The following HUWE1 variants were observed in gnomAD, a reference collection of about 807,000 sequenced individuals.
HUWE1 encodes the protein HECT, UBA and WWE domain containing E3 ubiquitin protein ligase 1.
HUWE1 carries 18 observed loss-of-function variants against 299.4 expected under a neutral mutation model. The observed-to-expected ratio is 0.06, with a 90% confidence interval of 0.04 to 0.09. The LOEUF is 0.09. Ranked by LOEUF, HUWE1 falls within the 10% of genes least tolerant of loss-of-function variation. HUWE1 has a pLI of 1.00. For synonymous variants in HUWE1, 1,317 were observed against 1,286.1 expected, an observed-to-expected ratio of 1.02 and a Z score of -0.51; for missense variants, 1,832 against 3,462.3, an observed-to-expected ratio of 0.53 and a Z score of 11.82.
intron 4 of HUWE1, among the ~76,000 whole-genome samples, chrX:53,650,288 A>G (rs1377156891): frequency 8.9e-6 from 1 of 112,423 alleles, no homozygotes; most frequent in East Asian, 2.8e-4. Context: ...AGTGTGTGGT[A>G]CAAGGTACAG....
At chrX:53,643,653 C>T (rs782458043) in intron 7 of HUWE1, among the ~76,000 whole-genome samples, 6 of 111,339 alleles carry the variant, frequency 5.4e-5, no homozygotes, top group Admixed American at 1.9e-4. Flanking sequence ...CGCCTGGCCT[C>T]ACCAATCATT....
chrX:53,569,008 T>C, intron 48 of HUWE1, 134 bp from the exon 49 acceptor site: 3 of 526,475 alleles, frequency 5.7e-6, no homozygotes, highest in Non-Finnish European at 9.7e-6. Context: ...AACAAACAGG[T>C]GAGAACACAC....
Position 53,594,548 on chromosome X carries a change from G to C in HUWE1, c.3454C>G (p.Leu1152Val), listed in dbSNP as rs1556982962. Residue 1152 changes from leucine (L) to valine (V), a missense_variant, in exon 31 of 84, where the codon CTC becomes GTC. Physicochemically the swap from Leu to Val is conservative, Grantham distance 32. This residue lies in a region of HUWE1 where 658 missense variants were observed against 1,282.6 expected (regional missense o/e 0.51). Coordinates refer to ENST00000262854, the MANE Select transcript of HUWE1 (RefSeq NM_031407.7). ...GAGCAGAGAAATTTTTGCAGCATGA[G>C]GTGGTAGGGATACTTCCTCTCATCA... ...LFDERKYPYH[L>V]MLQKFLCSGG... 1 of 1,208,338 alleles carries C rather than the reference G, an allele frequency of 8.3e-7. No individual in the cohort carries two copies. The highest frequency in any genetic ancestry group is 1.1e-6 in the Non-Finnish European group (1 of 892,405).
intron 70 of HUWE1, among the ~76,000 whole-genome samples, chrX:53,546,074 G>C (rs147164730): frequency 0.011 from 1,287 of 111,930 alleles, 23 homozygotes; most frequent in African/African-American, 0.04. Flanking sequence ...GCAGTGTAGG[G>C]ACATACTTTG....
intron 59 of HUWE1, 29 bp downstream of exon 59, chrX:53,558,626 G>A: frequency 8.4e-7 from 1 of 1,197,473 alleles, no homozygotes; most frequent in Non-Finnish European, 1.1e-6. Flanking sequence ...CACAGTCAAA[G>A]ATGAATCCTC....
intron 5 of HUWE1, 94 bp from the exon 6 acceptor site, chrX:53,647,668 A>G: frequency 3.0e-6 from 2 of 662,973 alleles, no homozygotes; most frequent in South Asian, 2.2e-5. Flanking sequence ...ATTGCTGAGC[A>G]TGACACCTAG....
At chrX:53,535,597 G>C (rs2061003868) in intron 80 of HUWE1, 96 bp from the exon 81 acceptor site, 3 of 598,170 alleles carry the variant, frequency 5.0e-6, no homozygotes, top group Admixed American at 4.5e-5. Context: ...CCATGTCCTA[G>C]GCAGAGAGAT....
In HUWE1 at chrX:53,647,581, AG is replaced by A; in HGVS notation, c.145-8del. On this transcript the variant is annotated splice_region_variant and splice_polypyrimidine_tract_variant and intron_variant, in intron 5 of 83. Transcript: ENST00000262854. ...CCCAGTGATATAACTCGCACTGGAG[AG>A]GGGAGGAAAAAGAGGATGTAAGAAT... 1 of 1,168,900 alleles carries A rather than the reference AG, an allele frequency of 8.6e-7. No homozygotes were observed. Among genetic ancestry groups the A allele is most frequent in the South Asian group, 1.8e-5 (1 of 55,982 alleles).
At chrX:53,610,235 CA>C (rs2065374255) in intron 23 of HUWE1, among the ~76,000 whole-genome samples, 1 of 111,915 alleles carries the variant, frequency 8.9e-6, no homozygotes, top group Non-Finnish European at 1.9e-5. Flanking sequence ...GATATAATGG[CA>C]AAGAGCCTAA....
Position 53,604,569 on chromosome X carries a change from A to G in HUWE1, c.2742+20T>C. The stretch of plus-strand genomic sequence containing the variant: ...TCACTGCCTTTAAATTAATATGTTC[A>G]CCCCTAAGGTTATTTTTACCTGTCC... On this transcript the variant is annotated intron_variant, in intron 26 of 83. Coordinates refer to ENST00000262854, the MANE Select transcript of HUWE1 (RefSeq NM_031407.7). 8.3e-7 allele frequency: 1 copy of G among 1,207,251 alleles called. No homozygotes were observed. The highest frequency in any genetic ancestry group is 1.1e-6 in the Non-Finnish European group (1 of 891,584).
rs2063757932 is a variant in HUWE1 at position 53,584,258 on chromosome X, C to T, written c.5089G>A (p.Gly1697Arg). The change falls in exon 41 of 84, where the codon GGA (glycine) becomes AGA (arginine). Residue 1697 changes from glycine to arginine, a missense_variant. Physicochemically the swap from Gly to Arg is moderately radical, Grantham distance 125. Coordinates refer to ENST00000262854, the MANE Select transcript of HUWE1 (RefSeq NM_031407.7). ...TCCAGCGTCTTCTCTAGTTCCTGTC[C>T]ATTGCTGTTTTTTGAATTTTTATTC... ...RLNKNSKNSN[G>R]QELEKTLEES... The T allele has an allele frequency of 8.3e-7, 1 of 1,202,996 alleles. No homozygotes were observed. The highest frequency in any genetic ancestry group is 1.1e-6 in the Non-Finnish European group (1 of 889,044).
chrX:53,671,505 C>G (rs1368559737), intron 3 of HUWE1, among the ~76,000 whole-genome samples: 3 of 111,697 alleles, frequency 2.7e-5, no homozygotes, highest in Non-Finnish European at 5.7e-5. Context: ...AAAAATGCTA[C>G]AGAAGCTGGG....
intron 12 of HUWE1, 93 bp downstream of exon 12, chrX:53,630,842 T>C (rs1242168571): frequency 1.8e-6 from 1 of 555,366 alleles, no homozygotes; most frequent in Non-Finnish European, 3.2e-6. Context: ...GTAACTATAA[T>C]AGGACTCATA....
At chrX:53,591,894 C>T (rs1569477391) in intron 33 of HUWE1, among the ~76,000 whole-genome samples, 1 of 112,216 alleles carries the variant, frequency 8.9e-6, no homozygotes, top group African/African-American at 3.2e-5. Context: ...CACATACATA[C>T]AAACTCCAGG....
At chrX:53,593,286 T>C (rs1228330777) in intron 32 of HUWE1, 78 bp downstream of exon 32, 11 of 735,823 alleles carry the variant, frequency 1.5e-5, no homozygotes, top group Non-Finnish European at 2.4e-5. Context: ...GCATGTTATT[T>C]CATTAAGCAG....
intron 3 of HUWE1, among the ~76,000 whole-genome samples, chrX:53,679,155 T>C (rs1245586788): frequency 9.1e-6 from 1 of 110,136 alleles, no homozygotes; most frequent in Non-Finnish European, 1.9e-5. Context: ...GACAATTTCT[T>C]CAACAAATAA....
At chrX:53,635,234 TA>T (rs1208188747) in intron 7 of HUWE1, among the ~76,000 whole-genome samples, 5 of 109,355 alleles carry the variant, frequency 4.6e-5, no homozygotes, top group African/African-American at 9.8e-5. Context: ...TGTATATTTT[TA>T]AAAAATTATA....
chrX:53,576,866 G>A, intron 44 of HUWE1, 34 bp downstream of exon 44: 4 of 1,205,439 alleles, frequency 3.3e-6, no homozygotes, highest in Non-Finnish European at 4.5e-6. Context: ...ATATCCTCTA[G>A]TGCCCAGCCT....
At chrX:53,602,314 C>T (rs1477960067) in intron 28 of HUWE1, among the ~76,000 whole-genome samples, 1 of 91,201 alleles carries the variant, frequency 1.1e-5, no homozygotes, top group Non-Finnish European at 2.1e-5. Context: ...AGAAAAAAGA[C>T]GGGCAGACAC....
Sources: gnomAD v4.1 joint callset for allele counts (sites outside exome capture counted in the v4.1 genomes callset) on GRCh38, gnomAD v4.1.1 for gene constraint, gnomAD v4.1.1 regional missense constraint, MANE v1.5 for transcripts, NCBI Gene and HGNC (gene_info 2026-07-23, HGNC 2026-07-21) for gene names.